The following TYW1B variants were observed in gnomAD, a reference collection of about 807,000 sequenced individuals.
TYW1B encodes the protein tRNA-yW synthesizing protein 1 homolog B, also known as S-adenosyl-L-methionine-dependent tRNA 4-demethylwyosine synthase TYW1B.
In TYW1B, 73 loss-of-function variants were observed where a neutral mutation model predicts 86.9. The observed-to-expected ratio is 0.84, with a 90% CI of 0.70 to 1.02. The LOEUF is 1.02. Ranked by LOEUF, TYW1B falls within the 50% of genes least tolerant of loss-of-function variation. The pLI is 0.00. For synonymous variants in TYW1B, 248 were observed against 292.8 expected, an observed-to-expected ratio of 0.85 and a Z score of 1.56; for missense variants, 637 against 827.4, an observed-to-expected ratio of 0.77 and a Z score of 2.82.
At chr7:72,606,453 C>G (rs1163043677) in intron 13 of TYW1B, among the ~76,000 whole-genome samples, 7 of 152,074 alleles carry the variant, frequency 4.6e-5, no homozygotes, top group Admixed American at 4.6e-4. Flanking sequence ...CCCTCCTCCT[C>G]CCCTCCAGCT....
intron 8 of TYW1B, among the ~76,000 whole-genome samples, chr7:72,738,927 T>C (rs2129571237): frequency 6.6e-6 from 1 of 151,662 alleles, no homozygotes; most frequent in South Asian, 2.1e-4. Flanking sequence ...AAAAAAATAA[T>C]AATAATAAAC....
At chr7:72,609,108 C>A (rs1563028621) in intron 13 of TYW1B, among the ~76,000 whole-genome samples, 1 of 152,180 alleles carries the variant, frequency 6.6e-6, no homozygotes, top group Non-Finnish European at 1.5e-5. Context: ...CTTTCTGTAC[C>A]ATTTTGCAGC....
intron 10 of TYW1B, chr7:72,697,829 T>C (rs1814359464): frequency 6.6e-6 from 1 of 152,470 alleles, no homozygotes; most frequent in Non-Finnish European, 1.5e-5. Context: ...ATCTTAATTT[T>C]AAATCTCTGA....
At chr7:72,622,696 C>A (rs147017464) in intron 12 of TYW1B, among the ~76,000 whole-genome samples, 3 of 149,022 alleles carry the variant, frequency 2.0e-5, no homozygotes, top group African/African-American at 7.7e-5. Flanking sequence ...CACATGCACA[C>A]AACACACACA....
chr7:72,759,049 G>A (rs550113395), intron 7 of TYW1B, among the ~76,000 whole-genome samples: 2 of 152,272 alleles, frequency 1.3e-5, no homozygotes, highest in Admixed American at 6.5e-5. Flanking sequence ...GCCACTAGGT[G>A]GCCAGGTGCG....
intron 10 of TYW1B, among the ~76,000 whole-genome samples, chr7:72,705,613 G>T (rs1298447621): frequency 6.6e-6 from 1 of 152,132 alleles, no homozygotes; most frequent in African/African-American, 2.4e-5. Flanking sequence ...TAAAATAGAT[G>T]ATTATGATAC....
At chr7:72,618,143 CACACACACAA>C (rs1391651156) in intron 12 of TYW1B, among the ~76,000 whole-genome samples, 2 of 151,248 alleles carry the variant, frequency 1.3e-5, no homozygotes, top group African/African-American at 4.9e-5. Flanking sequence ...CACTCACAGA[CACACACACAA>C]ACACACACAA....
intron 2 of TYW1B, among the ~76,000 whole-genome samples, chr7:72,819,643 G>A (rs1788791459): frequency 6.6e-6 from 1 of 152,172 alleles, no homozygotes; most frequent in South Asian, 2.1e-4. Flanking sequence ...GTGTTGCACA[G>A]GTTGGTCTCG....
chr7:72,648,140 GTATACA>G (rs1478723445), intron 11 of TYW1B, among the ~76,000 whole-genome samples: 1 of 152,158 alleles, frequency 6.6e-6, no homozygotes, highest in Non-Finnish European at 1.5e-5. Flanking sequence ...CAGAAAACAT[GTATACA>G]TATACACTTT....
intron 7 of TYW1B, among the ~76,000 whole-genome samples, chr7:72,752,093 G>T (rs1392463353): frequency 6.6e-6 from 1 of 152,166 alleles, no homozygotes; most frequent in Non-Finnish European, 1.5e-5. Flanking sequence ...GGACAAAGAG[G>T]GTCCCCCAGC....
chr7:72,670,606 C>T (rs1365692033), intron 11 of TYW1B, among the ~76,000 whole-genome samples: 2 of 152,220 alleles, frequency 1.3e-5, no homozygotes, highest in Non-Finnish European at 2.9e-5. Context: ...GCTATTATAG[C>T]ATGGTGCCCT....
rs781821639 is a variant in TYW1B at position 72,669,134 on chromosome 7, C to CTTTT, written c.1506+25549_1506+25552dup. 1.9e-3 allele frequency among the ~76,000 whole-genome samples: 158 copies of CTTTT among 81,556 alleles called. 8 individuals are homozygous for CTTTT. Among genetic ancestry groups the CTTTT allele is most frequent in the Middle Eastern group, 0.014 (1 of 72 alleles). The allele number at this position is 81,556 out of a possible 152,430, so 53.5% of individuals were successfully genotyped here. A position where few individuals can be genotyped will look rare whatever the true frequency, so the allele number is the denominator to read the frequency against. On this transcript the variant is annotated intron_variant, in intron 11 of 13. Coordinates refer to ENST00000620995, the MANE Select transcript of TYW1B (RefSeq NM_001145440.3). Reference sequence around the variant, plus strand: ...CAAACAACCACTATTTAATTTTAAACTTTTTTTTTTTTTTTTTTTTTTTTT... The same window carrying CTTTT: ...CAAACAACCACTATTTAATTTTAAACTTTTTTTTTTTTTTTTTTTTTTTTTTTTT...
intron 5 of TYW1B, 88 bp from the exon 6 acceptor site, chr7:72,802,610 T>C (rs1412118180): frequency 7.2e-6 from 11 of 1,525,444 alleles, no homozygotes; most frequent in Admixed American, 2.3e-5. Flanking sequence ...GAATTCACTA[T>C]GTCTCTAAAT....
intron 7 of TYW1B, among the ~76,000 whole-genome samples, chr7:72,764,189 T>C (rs1448140668): frequency 2.0e-5 from 3 of 152,224 alleles, no homozygotes; most frequent in African/African-American, 4.8e-5. Flanking sequence ...TTTCCTAAGT[T>C]GTTGTTGTGA....
chr7:72,669,325 T>C (rs1554445898), intron 11 of TYW1B, among the ~76,000 whole-genome samples: 2 of 151,772 alleles, frequency 1.3e-5, no homozygotes, highest in African/African-American at 4.8e-5. Context: ...TTTGTGTTTT[T>C]AGTAGAGATG....
chr7:72,585,118 G>A lies in TYW1B; in HGVS notation c.1786-9399C>T, dbSNP rs1441853075. 8.5e-5 allele frequency among the ~76,000 whole-genome samples: 13 copies of A among 152,266 alleles called. 1 individual carries two copies. The highest frequency in any genetic ancestry group is 6.2e-4 in the South Asian group (3 of 4,824). ...CATCGGTTTCCCTTGTAACTTCTCC[G>A]TAGAGTCATCTATATGGGAGATCCA... On this transcript the variant is annotated intron_variant, in intron 13 of 13. Transcript: ENST00000620995.
intron 13 of TYW1B, among the ~76,000 whole-genome samples, chr7:72,597,048 C>CAA (rs1554432731): frequency 6.6e-6 from 1 of 151,932 alleles, no homozygotes; most frequent in African/African-American, 2.4e-5. Context: ...AATAAGAACT[C>CAA]AGAGTATTGA....
intron 13 of TYW1B, among the ~76,000 whole-genome samples, chr7:72,601,446 A>T (rs1811663936): frequency 6.6e-6 from 1 of 152,172 alleles, no homozygotes; most frequent in African/African-American, 2.4e-5. Context: ...TGGCACAGCT[A>T]CTTTGGAAGA....
intron 7 of TYW1B, among the ~76,000 whole-genome samples, chr7:72,776,665 A>C (rs1787960845): frequency 1.3e-5 from 1 of 76,164 alleles, no homozygotes; most frequent in African/African-American, 3.7e-5. Context: ...GCCACTTTTT[A>C]AAAATGAATT....
Sources: gnomAD v4.1 joint callset for allele counts (sites outside exome capture counted in the v4.1 genomes callset) on GRCh38, gnomAD v4.1.1 for gene constraint, MANE v1.5 for transcripts, NCBI Gene and HGNC (gene_info 2026-07-23, HGNC 2026-07-21) for gene names.